DCLK2: variants seen among roughly 807,000 people sequenced by gnomAD.
DCLK2 encodes the protein serine/threonine-protein kinase DCLK2.
A neutral mutation model predicts 78.4 loss-of-function variants in DCLK2; 31 were observed. The observed-to-expected ratio is 0.40, with a 90% CI of 0.30 to 0.53. DCLK2 has a LOEUF of 0.53. Among genes scored for constraint, DCLK2 ranks in the 20% least tolerant of loss-of-function variants. The probability of loss-of-function intolerance (pLI) is 0.61; values close to 1 mark genes in which losing one functional copy is unlikely to be tolerated. For synonymous variants in DCLK2, 407 were observed against 374.9 expected (o/e 1.09, Z -0.99); for missense variants, 872 against 973.7 (o/e 0.90, Z 1.39).
intron 10 of DCLK2, among the ~76,000 whole-genome samples, 197 bp downstream of exon 10, chr4:150,233,025 C>T (rs72732455): frequency 0.044 from 6,629 of 152,266 alleles, 170 homozygotes; most frequent in Middle Eastern, 0.058. Context: ...TTATTTACCA[C>T]TCTGCTATAT....
intron 2 of DCLK2, among the ~76,000 whole-genome samples, chr4:150,129,531 C>G (rs1420942034): frequency 2.0e-5 from 3 of 151,866 alleles, no homozygotes; most frequent in African/African-American, 7.3e-5. Flanking sequence ...CCCATCCTGG[C>G]CACCATGGTA....
At chr4:150,248,671 A>G (rs1481483333) in intron 14 of DCLK2, among the ~76,000 whole-genome samples, 2 of 152,140 alleles carry the variant, frequency 1.3e-5, no homozygotes, top group Non-Finnish European at 2.9e-5. Flanking sequence ...GTGCTCCTTC[A>G]GGAGGCTTTT....
At chr4:150,215,008 A>G (rs17503402) in intron 5 of DCLK2, among the ~76,000 whole-genome samples, 67,452 of 151,222 alleles carry the variant, frequency 0.45, 16,543 homozygotes, top group Non-Finnish European at 0.56. Context: ...CTTATAGACC[A>G]TTTACCACTT....
chr4:150,243,585 A>G (rs911599660), intron 12 of DCLK2, among the ~76,000 whole-genome samples: 13 of 152,254 alleles, frequency 8.5e-5, no homozygotes, highest in Non-Finnish European at 1.8e-4. Flanking sequence ...ACAAAAGACA[A>G]CTTTAACCCA....
intron 12 of DCLK2, among the ~76,000 whole-genome samples, chr4:150,244,880 G>A (rs1580789286): frequency 6.6e-6 from 1 of 152,154 alleles, no homozygotes; most frequent in Non-Finnish European, 1.5e-5. Context: ...ATAAATGACT[G>A]CTGTGCACAC....
At chr4:150,115,011 C>G (rs1477630692) in intron 2 of DCLK2, among the ~76,000 whole-genome samples, 1 of 152,188 alleles carries the variant, frequency 6.6e-6, no homozygotes, top group African/African-American at 2.4e-5. Flanking sequence ...TCTTCTCCCT[C>G]TGGTATACCA....
chr4:150,236,050 T>G (rs1315649909), intron 10 of DCLK2, among the ~76,000 whole-genome samples: 5 of 152,204 alleles, frequency 3.3e-5, no homozygotes, highest in African/African-American at 9.6e-5. Flanking sequence ...GGTTGGTTTC[T>G]CATATTTGAA....
Position 150,106,399 on chromosome 4 carries a change from T to C in DCLK2, c.756+3587T>C, listed in dbSNP as rs1045088279. Among the ~76,000 whole-genome samples the C allele has an allele frequency of 3.3e-5, 5 of 152,280 alleles. 1 individual carries two copies. The East Asian group carries it at 9.7e-4, about 29-fold the overall frequency. On this transcript the variant is annotated intron_variant, in intron 2 of 15. Transcript: ENST00000296550. Reference sequence around the variant, plus strand: ...CAAAAGGCCAAGAAGCAATTCTACATGTATGTAAAACTATCAGCATTCTGA... The same window carrying C: ...CAAAAGGCCAAGAAGCAATTCTACACGTATGTAAAACTATCAGCATTCTGA...
At chr4:150,180,969 T>G (rs1737467339) in intron 2 of DCLK2, among the ~76,000 whole-genome samples, 1 of 152,184 alleles carries the variant, frequency 6.6e-6, no homozygotes, top group South Asian at 2.1e-4. Flanking sequence ...GAGGGACTGC[T>G]GCACACAGAG....
At chr4:150,250,762 A>G (rs1743733645) in intron 15 of DCLK2, among the ~76,000 whole-genome samples, 1 of 151,512 alleles carries the variant, frequency 6.6e-6, no homozygotes, top group African/African-American at 2.4e-5. Flanking sequence ...AAACAGTGGC[A>G]TATTCTCATG....
intron 2 of DCLK2, among the ~76,000 whole-genome samples, chr4:150,147,110 C>A (rs1312780494): frequency 6.6e-6 from 1 of 151,692 alleles, no homozygotes; most frequent in Non-Finnish European, 1.5e-5. Flanking sequence ...ATAGTGAGGC[C>A]TGTTTCTACC....
chr4:150,219,387 A>G (rs1235147386), intron 5 of DCLK2, among the ~76,000 whole-genome samples: 1 of 148,756 alleles, frequency 6.7e-6, no homozygotes, highest in African/African-American at 2.5e-5. Flanking sequence ...TATGCCTCCC[A>G]GGTAGCTGGG....
chr4:150,227,384 G>A (rs981464941), intron 8 of DCLK2, among the ~76,000 whole-genome samples: 2 of 152,232 alleles, frequency 1.3e-5, no homozygotes, highest in Non-Finnish European at 2.9e-5. Context: ...ATTAATACCA[G>A]TTCTGCAAAG....
At chr4:150,151,191 T>A (rs1580603243) in intron 2 of DCLK2, among the ~76,000 whole-genome samples, 1 of 152,276 alleles carries the variant, frequency 6.6e-6, no homozygotes, top group Admixed American at 6.5e-5. Flanking sequence ...CCACATCACA[T>A]CCCAGCTATA....
chr4:150,148,844 G>A (rs1207241385), intron 2 of DCLK2, among the ~76,000 whole-genome samples: 1 of 151,400 alleles, frequency 6.6e-6, no homozygotes, highest in Admixed American at 6.6e-5. Context: ...ACCAGCCTGG[G>A]TAACATGGTG....
intron 14 of DCLK2, among the ~76,000 whole-genome samples, chr4:150,248,688 C>T (rs774750814): frequency 6.6e-6 from 1 of 152,102 alleles, no homozygotes; most frequent in Non-Finnish European, 1.5e-5. Context: ...TTTTAGCTCT[C>T]GTCTTCTGCG....
At chr4:150,178,536 A>T (rs1416058282) in intron 2 of DCLK2, among the ~76,000 whole-genome samples, 1 of 152,208 alleles carries the variant, frequency 6.6e-6, no homozygotes, top group Middle Eastern at 3.2e-3. Flanking sequence ...AGGGAAAAAA[A>T]AAAAAAATCT....
chr4:150,185,340 G>A (rs1381089935), intron 2 of DCLK2, among the ~76,000 whole-genome samples: 1 of 152,040 alleles, frequency 6.6e-6, no homozygotes. Context: ...CTCCTCCAAC[G>A]CGTGGGGATT....
chr4:150,192,900 C>A (rs1738572549), intron 2 of DCLK2, among the ~76,000 whole-genome samples: 2 of 152,168 alleles, frequency 1.3e-5, no homozygotes. Flanking sequence ...TCCTTGACTT[C>A]ACCTGTGAAA....
Sources: allele counts gnomAD v4.1 joint callset (sites outside exome capture counted in the v4.1 genomes callset), GRCh38; gene constraint gnomAD v4.1.1; transcripts MANE v1.5; gene names NCBI Gene and HGNC (gene_info 2026-07-23, HGNC 2026-07-21).